ZBTB8OS: variants seen among roughly 807,000 people sequenced by gnomAD.
ZBTB8OS encodes the protein tRNA-splicing ligase-activating factor archease.
A neutral mutation model predicts 29.3 loss-of-function variants in ZBTB8OS; 16 were observed. The observed-to-expected ratio is 0.55, with a 90% CI of 0.37 to 0.83. The LOEUF (loss-of-function observed/expected upper bound fraction) is 0.83. Among genes scored for constraint, ZBTB8OS ranks in the 40% least tolerant of loss-of-function variants. The pLI is 0.00. For missense variants in ZBTB8OS, 160 were observed against 196.9 expected (o/e 0.81, Z 1.12); for synonymous variants, 70 against 64.6 (o/e 1.08, Z -0.40).
chr1:32,628,363 G>A (rs1321633899), intron 5 of ZBTB8OS, among the ~76,000 whole-genome samples: 1 of 151,012 alleles, frequency 6.6e-6, no homozygotes, highest in African/African-American at 2.4e-5. Flanking sequence ...AAGGTCAGGC[G>A]CGGTGGCTCA....
rs6674111 is a variant in ZBTB8OS, at chr1:32,621,451, A to G, written c.*411T>C. On this transcript the variant is annotated 3_prime_UTR_variant, in exon 7 of 7. Transcript: ENST00000468695. ...TATATGTCTTAACCAACTTGGAAGA[A>G]AAACAAAATTCTGTGTGTGGAAATA... is the stretch of plus-strand genomic sequence containing the variant. 0.029 allele frequency: 4,571 copies of G among 159,090 alleles called. 234 individuals carry two copies. Among genetic ancestry groups the G allele is most frequent in the African/African-American group, 0.1 (4,301 of 41,616 alleles). 9.9% of individuals were successfully genotyped at this position (159,090 alleles called of 1,614,324 possible). A position where few individuals can be genotyped will look rare whatever the true frequency, so the allele number is the denominator to read the frequency against.
chr1:32,641,971 T>C (rs1171779991), intron 1 of ZBTB8OS, among the ~76,000 whole-genome samples: 1 of 152,118 alleles, frequency 6.6e-6, no homozygotes, highest in African/African-American at 2.4e-5. Context: ...ACTTCCAATT[T>C]TGTTACATAG....
rs1190646557 is a variant in ZBTB8OS at position 32,644,704 on chromosome 1, C to CTT, written c.97+5727_97+5728dup. The stretch of plus-strand genomic sequence containing the variant: ...TACACACACATGCCACCACACCCAG[C>CTT]TTTTTTTTTTTTTTTTTTTTTTGTA... On this transcript the variant is annotated intron_variant, in intron 1 of 6. Transcript: ENST00000468695. Among the ~76,000 whole-genome samples the CTT allele has an allele frequency of 2.0e-3, 209 of 105,580 alleles. 1 individual carries two copies. The highest frequency in any genetic ancestry group is 6.0e-3 in the Middle Eastern group (1 of 166). The allele number at this position is 105,580 out of a possible 152,430, so 69.3% of individuals were successfully genotyped here.
intron 1 of ZBTB8OS, among the ~76,000 whole-genome samples, chr1:32,645,503 C>T (rs189156372): frequency 1.3e-5 from 2 of 152,260 alleles, no homozygotes; most frequent in African/African-American, 4.8e-5. Flanking sequence ...CCCTTTCTAG[C>T]ATACAGTTTG....
intron 1 of ZBTB8OS, among the ~76,000 whole-genome samples, chr1:32,638,011 T>C (rs556464114): frequency 2.6e-5 from 4 of 151,998 alleles, no homozygotes; most frequent in Non-Finnish European, 5.9e-5. Flanking sequence ...TTTTTTGTAT[T>C]TTTTAAGTAT....
At chr1:32,625,114 T>A (rs1645016767) in intron 6 of ZBTB8OS, among the ~76,000 whole-genome samples, 1 of 148,452 alleles carries the variant, frequency 6.7e-6, no homozygotes, top group African/African-American at 2.5e-5. Flanking sequence ...TCCCAGCTAC[T>A]CGGGAGGCTG....
At chr1:32,650,886 A>T (rs1483929125), upstream of ZBTB8OS, 3 of 479,212 alleles carry the variant, frequency 6.3e-6, no homozygotes, top group Non-Finnish European at 1.1e-5. Context: ...TTTTCATCTC[A>T]GTACTCTGAA....
chr1:32,631,836 C>G lies in ZBTB8OS; in HGVS notation c.371G>C (p.Arg124Pro). The G allele has an allele frequency of 6.3e-7, 1 of 1,594,532 alleles. No homozygotes were observed. The highest frequency in any genetic ancestry group is 8.5e-7 in the Non-Finnish European group (1 of 1,169,672). Reference sequence around the variant, plus strand: ...GACTTTCAAAACTTACCCAATTGATCGTAATTTGAAATTTCTTTGATCAAT... The same window carrying G: ...GACTTTCAAAACTTACCCAATTGATGGTAATTTGAAATTTCTTTGATCAAT... ...LSIDQRNFKLRSIGWGEEFSL... is the reference protein window; with the variant it reads ...LSIDQRNFKLPSIGWGEEFSL... The change falls in exon 5 of 7, where the codon CGA becomes CCA. Residue 124 changes from arginine to proline, a missense_variant. Coordinates refer to ENST00000468695, the MANE Select transcript of ZBTB8OS (RefSeq NM_178547.5).
chr1:32,643,068 G>GC (rs1553189536), intron 1 of ZBTB8OS, among the ~76,000 whole-genome samples: 1 of 78,002 alleles, frequency 1.3e-5, no homozygotes, highest in Non-Finnish European at 2.6e-5. Context: ...ACCGTGCCTG[G>GC]CCTTTTTTTT....
chr1:32,624,055 A>G (rs938328800), intron 6 of ZBTB8OS, among the ~76,000 whole-genome samples: 5 of 152,138 alleles, frequency 3.3e-5, no homozygotes, highest in Admixed American at 3.3e-4. Context: ...TCTTCCTGCC[A>G]CAATGTGAAG....
chr1:32,650,328 G>C, intron 1 of ZBTB8OS, 105 bp downstream of exon 1: 2 of 1,447,764 alleles, frequency 1.4e-6, no homozygotes, highest in South Asian at 1.3e-5. Flanking sequence ...GATCATGCCT[G>C]AAGTACCCAT....
At chr1:32,627,610 T>C in intron 5 of ZBTB8OS, 66 bp from the exon 6 acceptor site, 2 of 1,507,018 alleles carry the variant, frequency 1.3e-6, no homozygotes, top group Non-Finnish European at 1.8e-6. Flanking sequence ...AAATAAGCCT[T>C]GTAAATGTGG....
At chr1:32,650,840 C>G (rs535003269), upstream of ZBTB8OS, 49 of 509,980 alleles carry the variant, frequency 9.6e-5, no homozygotes, top group Middle Eastern at 5.1e-4. Context: ...CGCTTCACCC[C>G]CAAAATTGAT....
Position 32,621,687 on chromosome 1 carries a change from C to T in ZBTB8OS, c.*175G>A. The T allele has an allele frequency of 1.7e-6, 1 of 589,580 alleles. No individual in the cohort carries two copies. Among genetic ancestry groups the T allele is most frequent in the Non-Finnish European group, 2.9e-6 (1 of 341,518 alleles). 36.5% of individuals were successfully genotyped at this position (589,580 alleles called of 1,614,324 possible). A position where few individuals can be genotyped will look rare whatever the true frequency, so the allele number is the denominator to read the frequency against. The stretch of plus-strand genomic sequence containing the variant: ...AGTGTGAATATTTGGGGAACACAGA[C>T]CAAGGCTGTGCCCTGATTTTCCCTT... On this transcript the variant is annotated 3_prime_UTR_variant, in exon 7 of 7. Transcript: ENST00000468695.
intron 5 of ZBTB8OS, among the ~76,000 whole-genome samples, chr1:32,631,535 A>G (rs1645559976): frequency 6.6e-6 from 1 of 152,208 alleles, no homozygotes; most frequent in African/African-American, 2.4e-5. Flanking sequence ...AAGTGAGAAC[A>G]TATGAGAAAA....
chr1:32,638,876 T>C (rs1422880794), intron 1 of ZBTB8OS, among the ~76,000 whole-genome samples: 2 of 152,166 alleles, frequency 1.3e-5, no homozygotes, highest in African/African-American at 4.8e-5. Flanking sequence ...ATCGCACTAC[T>C]GCACTCCAGC....
At chr1:32,624,859 AC>A in intron 6 of ZBTB8OS, among the ~76,000 whole-genome samples, 1 of 150,486 alleles carries the variant, frequency 6.6e-6, no homozygotes, top group South Asian at 2.1e-4. Flanking sequence ...ACACCACTGC[AC>A]TCCAGCCTGG....
At chr1:32,639,735 G>A (rs1646257022) in intron 1 of ZBTB8OS, among the ~76,000 whole-genome samples, 1 of 151,952 alleles carries the variant, frequency 6.6e-6, no homozygotes, top group South Asian at 2.1e-4. Context: ...ATTCCAGTGT[G>A]GGCAACAGAG....
intron 6 of ZBTB8OS, among the ~76,000 whole-genome samples, chr1:32,624,394 C>T (rs1053036815): frequency 5.9e-5 from 9 of 151,990 alleles, no homozygotes; most frequent in African/African-American, 2.2e-4. Flanking sequence ...ATTTCTACCT[C>T]GAGTGCATAA....
Sources: allele counts gnomAD v4.1 joint callset (sites outside exome capture counted in the v4.1 genomes callset), GRCh38; gene constraint gnomAD v4.1.1; transcripts MANE v1.5; gene names NCBI Gene and HGNC (gene_info 2026-07-23, HGNC 2026-07-21).